GSE1: variants seen among roughly 807,000 people sequenced by gnomAD.
The protein encoded by GSE1 is genetic suppressor element 1.
GSE1 carries 32 observed loss-of-function variants against 112.6 expected under a neutral mutation model. The observed-to-expected ratio is 0.28, with a 90% CI of 0.21 to 0.38. The LOEUF is 0.38. Ranked by LOEUF, GSE1 falls within the 10% of genes least tolerant of loss-of-function variation. GSE1 has a pLI of 1.00. For synonymous variants in GSE1, 1,115 were observed against 735.6 expected, an observed-to-expected ratio of 1.52 and a Z score of -8.35; for missense variants, 2,348 against 1,699.2, an observed-to-expected ratio of 1.38 and a Z score of -6.71.
chr16:85,622,484 C>T (rs2048803470), intron 1 of GSE1, among the ~76,000 whole-genome samples: 1 of 152,166 alleles, frequency 6.6e-6, no homozygotes, highest in African/African-American at 2.4e-5. Flanking sequence ...GAGTTTGTAG[C>T]CTGGGTTCAT....
At chr16:85,465,299 G>A (rs1424300857) in intron 2 of GSE1, among the ~76,000 whole-genome samples, 4 of 152,162 alleles carry the variant, frequency 2.6e-5, no homozygotes, top group South Asian at 4.1e-4. Flanking sequence ...TCTGTGCCAC[G>A]CCCTGGCCCT....
chr16:85,388,620 A>G (rs1039891540), intron 2 of GSE1, among the ~76,000 whole-genome samples: 2 of 148,302 alleles, frequency 1.3e-5, no homozygotes, highest in Admixed American at 6.7e-5. Context: ...GGATGGATGG[A>G]TGGATGGATA....
chr16:85,621,410 C>T (rs191610810), intron 1 of GSE1, among the ~76,000 whole-genome samples: 9 of 152,326 alleles, frequency 5.9e-5, no homozygotes, highest in Admixed American at 2.6e-4. Flanking sequence ...GCGCTGAGAT[C>T]GTATCTATTT....
At chr16:85,228,831 G>T (rs2075533552) in intron 1 of GSE1, among the ~76,000 whole-genome samples, 2 of 152,222 alleles carry the variant, frequency 1.3e-5, no homozygotes, top group Admixed American at 1.3e-4. Context: ...AGCAAGATTT[G>T]AGGCCACCTT....
intron 1 of GSE1, among the ~76,000 whole-genome samples, chr16:85,182,953 C>A (rs1042713952): frequency 6.6e-6 from 1 of 152,146 alleles, no homozygotes; most frequent in African/African-American, 2.4e-5. Context: ...CACTTGTATG[C>A]GTACACGTTC....
chr16:85,443,693 A>G (rs4782702), intron 2 of GSE1, among the ~76,000 whole-genome samples: 140,607 of 152,270 alleles, frequency 0.92, 65,155 homozygotes, highest in Middle Eastern at 0.99. Flanking sequence ...ATCCCCACCC[A>G]CCTGCCTTCC....
intron 1 of GSE1, among the ~76,000 whole-genome samples, chr16:85,310,786 C>G (rs1429680437): frequency 1.3e-5 from 2 of 151,822 alleles, no homozygotes; most frequent in African/African-American, 2.4e-5. Context: ...TGCGTCCCCC[C>G]CCCACCCACC....
chr16:85,287,162 G>A (rs1007093467), intron 1 of GSE1, among the ~76,000 whole-genome samples: 3 of 152,244 alleles, frequency 2.0e-5, no homozygotes, highest in Admixed American at 6.5e-5. Context: ...AGCTGGAGGC[G>A]AGTGCCGGGG....
At chr16:85,245,915 G>A (rs1165587601) in intron 1 of GSE1, among the ~76,000 whole-genome samples, 1 of 151,490 alleles carries the variant, frequency 6.6e-6, no homozygotes, top group Non-Finnish European at 1.5e-5. Flanking sequence ...GTGTCTACGT[G>A]TGTGTGGGGA....
chr16:85,544,927 G>A (rs1042228156), intron 2 of GSE1, among the ~76,000 whole-genome samples: 3 of 152,224 alleles, frequency 2.0e-5, no homozygotes, highest in Admixed American at 1.3e-4. Flanking sequence ...GCGCTGTCAC[G>A]GTGTCCACAG....
chr16:85,549,466 C>T (rs2044827157), intron 2 of GSE1, among the ~76,000 whole-genome samples: 1 of 152,230 alleles, frequency 6.6e-6, no homozygotes, highest in South Asian at 2.1e-4. Context: ...GTATAAGCCA[C>T]TGCACCTGGC....
chr16:85,630,405 T>G (rs2049443590), intron 1 of GSE1, among the ~76,000 whole-genome samples: 1 of 152,224 alleles, frequency 6.6e-6, no homozygotes, highest in African/African-American at 2.4e-5. Flanking sequence ...AGTATAGCGG[T>G]GTGATCATAG....
At chr16:85,256,270 T>TATA in intron 1 of GSE1, among the ~76,000 whole-genome samples, 1 of 152,120 alleles carries the variant, frequency 6.6e-6, no homozygotes, top group East Asian at 1.9e-4. Flanking sequence ...ATGATAATAA[T>TATA]ATAATAATAA....
At chr16:85,612,885 G>A (rs1286198341), upstream of GSE1, among the ~76,000 whole-genome samples, 1 of 152,060 alleles carries the variant, frequency 6.6e-6, no homozygotes, top group Non-Finnish European at 1.5e-5. Context: ...GCGAGACAGG[G>A]CTCCGCTCAC....
At chr16:85,296,951 C>G (rs576149971) in intron 1 of GSE1, among the ~76,000 whole-genome samples, 45 of 152,340 alleles carry the variant, frequency 3.0e-4, no homozygotes, top group African/African-American at 1.0e-3. Flanking sequence ...GGCGCTTCCC[C>G]GGCCAGTGCC....
chr16:85,335,600 T>C (rs896191569), intron 1 of GSE1, among the ~76,000 whole-genome samples: 3 of 152,090 alleles, frequency 2.0e-5, no homozygotes, highest in African/African-American at 7.2e-5. Flanking sequence ...GGTGAGGCCG[T>C]GCACCGCAAA....
chr16:85,500,311 A>T (rs1199161472), intron 2 of GSE1, among the ~76,000 whole-genome samples: 1 of 152,216 alleles, frequency 6.6e-6, no homozygotes, highest in Non-Finnish European at 1.5e-5. Flanking sequence ...TGATAAACAG[A>T]TCTTTGCATC....
At chr16:85,560,675 G>T (rs1032281965) in intron 1 of GSE1, among the ~76,000 whole-genome samples, 1 of 151,922 alleles carries the variant, frequency 6.6e-6, no homozygotes, top group East Asian at 1.9e-4. Flanking sequence ...TTCAAACGGG[G>T]GTCCCTTCTC....
At chr16:85,413,069 G>A (rs60368615) in intron 2 of GSE1, among the ~76,000 whole-genome samples, 6 of 152,128 alleles carry the variant, frequency 3.9e-5, no homozygotes, top group Middle Eastern at 3.4e-3. Flanking sequence ...GCCGCCCCAC[G>A]GAGCCCCTGC....
Sources: allele counts gnomAD v4.1 joint callset (sites outside exome capture counted in the v4.1 genomes callset), GRCh38; gene constraint gnomAD v4.1.1; transcripts MANE v1.5; gene names NCBI Gene and HGNC (gene_info 2026-07-23, HGNC 2026-07-21).